Variants in NRXN3 observed in about 807,000 individuals in gnomAD.
The protein encoded by NRXN3 is neurexin 3.
NRXN3 carries 32 observed loss-of-function variants against 137.6 expected under a neutral mutation model. That is an observed-to-expected ratio of 0.23 (90% CI 0.18 to 0.31). The LOEUF (loss-of-function observed/expected upper bound fraction) is 0.31, where lower values mean the gene tolerates loss of function less well. Ranked by LOEUF, NRXN3 falls within the 10% of genes least tolerant of loss-of-function variation. The probability of loss-of-function intolerance (pLI) is 1.00; values close to 1 mark genes in which losing one functional copy is unlikely to be tolerated. For synonymous variants in NRXN3, 798 were observed against 784.5 expected, an observed-to-expected ratio of 1.02 and a Z score of -0.29; for missense variants, 1,574 against 2,062.5, an observed-to-expected ratio of 0.76 and a Z score of 4.59.
intron 15 of NRXN3, among the ~76,000 whole-genome samples, chr14:79,210,044 TA>T (rs2067414264): frequency 1.3e-5 from 2 of 152,210 alleles, no homozygotes; most frequent in Non-Finnish European, 2.9e-5. Flanking sequence ...TGTGAGTTGC[TA>T]TTTAATGGTG....
chr14:78,744,545 G>T (rs1342514347), intron 8 of NRXN3: 1 of 152,202 alleles, frequency 6.6e-6, no homozygotes, highest in Non-Finnish European at 1.5e-5. Flanking sequence ...GGGAACAAAC[G>T]TTGAAGGGAT....
intron 1 of NRXN3, among the ~76,000 whole-genome samples, chr14:78,216,866 G>A (rs2063338925): frequency 6.6e-6 from 1 of 152,026 alleles, no homozygotes; most frequent in Non-Finnish European, 1.5e-5. Context: ...GGCTTGTAGT[G>A]GCCTCACTCC....
At chr14:78,679,802 T>C (rs1308284191) in intron 6 of NRXN3, among the ~76,000 whole-genome samples, 1 of 152,192 alleles carries the variant, frequency 6.6e-6, no homozygotes, top group African/African-American at 2.4e-5. Context: ...CTTCCATATG[T>C]CAGGCACTGT....
At chr14:78,932,450 A>C (rs556436092) in intron 10 of NRXN3, among the ~76,000 whole-genome samples, 1 of 152,318 alleles carries the variant, frequency 6.6e-6, no homozygotes, top group African/African-American at 2.4e-5. Flanking sequence ...GAAATTCTGA[A>C]GGATGAGGTT....
chr14:79,854,828 G>A (rs1319384115), intron 20 of NRXN3, among the ~76,000 whole-genome samples: 1 of 152,156 alleles, frequency 6.6e-6, no homozygotes, highest in African/African-American at 2.4e-5. Context: ...AGTGACTATG[G>A]TAGAGTTTGG....
intron 15 of NRXN3, among the ~76,000 whole-genome samples, chr14:79,388,324 C>A (rs888834537): frequency 6.6e-6 from 1 of 152,156 alleles, no homozygotes; most frequent in African/African-American, 2.4e-5. Context: ...TACCCAGTCT[C>A]AGGTATTCCT....
chr14:79,817,580 T>C (rs1321732348), intron 20 of NRXN3, among the ~76,000 whole-genome samples: 1 of 152,176 alleles, frequency 6.6e-6, no homozygotes, highest in Non-Finnish European at 1.5e-5. Context: ...ATCTCCATTT[T>C]AAAGATAAGT....
intron 15 of NRXN3, among the ~76,000 whole-genome samples, chr14:79,151,962 A>G (rs2059842778): frequency 6.6e-6 from 1 of 152,098 alleles, no homozygotes. Flanking sequence ...AAGAAAATAA[A>G]ATATGTAAAG....
intron 1 of NRXN3, among the ~76,000 whole-genome samples, chr14:78,197,671 C>T (rs1203666208): frequency 2.0e-5 from 3 of 152,244 alleles, no homozygotes; most frequent in African/African-American, 7.2e-5. Context: ...TAGCTCCCCA[C>T]ATCTTGATGG....
chr14:79,143,932 G>A (rs567967355), intron 15 of NRXN3, among the ~76,000 whole-genome samples: 2 of 152,140 alleles, frequency 1.3e-5, no homozygotes, highest in South Asian at 2.1e-4. Context: ...TATTACAGTC[G>A]TCCCATGCTT....
chr14:79,071,852 C>T (rs115334306), intron 15 of NRXN3, among the ~76,000 whole-genome samples: 2,418 of 152,204 alleles, frequency 0.016, 55 homozygotes, highest in African/African-American at 0.055. Flanking sequence ...AGGATAAATG[C>T]TTGAGGTGAT....
intron 8 of NRXN3, among the ~76,000 whole-genome samples, chr14:78,746,063 T>C (rs2098605765): frequency 1.3e-5 from 2 of 152,238 alleles, no homozygotes; most frequent in Non-Finnish European, 2.9e-5. Context: ...TACTGACTTA[T>C]GAAACAGAGA....
chr14:78,733,873 C>T (rs779690712), intron 8 of NRXN3, among the ~76,000 whole-genome samples: 1 of 152,112 alleles, frequency 6.6e-6, no homozygotes, highest in East Asian at 1.9e-4. Flanking sequence ...GGCTAGCCTT[C>T]AAGGAGCTCA....
At chr14:78,689,019 A>T (rs1289785924) in intron 6 of NRXN3, among the ~76,000 whole-genome samples, 1 of 152,074 alleles carries the variant, frequency 6.6e-6, no homozygotes, top group Non-Finnish European at 1.5e-5. Context: ...CCAAATTTGA[A>T]GGGGATAGTA....
chr14:79,789,684 T>C (rs890277588), intron 19 of NRXN3, among the ~76,000 whole-genome samples: 2 of 152,204 alleles, frequency 1.3e-5, no homozygotes, highest in African/African-American at 4.8e-5. Context: ...AATGAGAGTG[T>C]AGCAGTGAGG....
In NRXN3 at chr14:79,641,631, G is replaced by T. The variant is rs551163409; in HGVS notation, c.3445-22147G>T. Among the ~76,000 whole-genome samples, 25 of 135,556 alleles carry T rather than the reference G, an allele frequency of 1.8e-4. 1 individual carries two copies. Among genetic ancestry groups the T allele is most frequent in the African/African-American group, 5.6e-4 (23 of 40,878 alleles). 88.9% of individuals were successfully genotyped at this position (135,556 alleles called of 152,430 possible). Reference sequence around the variant, plus strand: ...GGGATTAGGTTCAGATATGCTCCATGCATGTTTTTTTCTGGGGCTCAAACT... The same window carrying T: ...GGGATTAGGTTCAGATATGCTCCATTCATGTTTTTTTCTGGGGCTCAAACT... On this transcript the variant is annotated intron_variant, in intron 16 of 20. Transcript: ENST00000335750.
chr14:78,491,108 G>A (rs2095658007), intron 4 of NRXN3, among the ~76,000 whole-genome samples: 2 of 152,180 alleles, frequency 1.3e-5, no homozygotes, highest in South Asian at 4.1e-4. Context: ...CGGCTGGGAA[G>A]AGTTATAAAG....
chr14:79,710,679 G>A (rs2098800264), intron 19 of NRXN3, among the ~76,000 whole-genome samples: 1 of 152,092 alleles, frequency 6.6e-6, no homozygotes, highest in Non-Finnish European at 1.5e-5. Context: ...ATTTTAGTTT[G>A]ACTTTGAATT....
Position 78,943,618 on chromosome 14 carries a change from AAAAATATAT to A in NRXN3, c.2276-13622_2276-13614del, listed in dbSNP as rs1204254562. On this transcript the variant is annotated intron_variant, in intron 10 of 20. Coordinates refer to ENST00000335750, the MANE Select transcript of NRXN3 (RefSeq NM_001330195.2). ...AGAAGCAAGATCACTGTTAAAAAAA[AAAAATATAT>A]ATATATATATATATATATATATATA... 9.0e-4 allele frequency among the ~76,000 whole-genome samples: 36 copies of A among 39,950 alleles called. 1 individual carries two copies. The highest frequency in any genetic ancestry group is 2.2e-3 in the Admixed American group (8 of 3,624). 26.2% of individuals were successfully genotyped at this position (39,950 alleles called of 152,430 possible).
Sources: gnomAD v4.1 joint callset for allele counts (sites outside exome capture counted in the v4.1 genomes callset) on GRCh38, gnomAD v4.1.1 for gene constraint, MANE v1.5 for transcripts, NCBI Gene and HGNC (gene_info 2026-07-23, HGNC 2026-07-21) for gene names.